The following AMBRA1 variants were observed in gnomAD, a reference collection of about 807,000 sequenced individuals.
AMBRA1 encodes activating molecule in BECN1-regulated autophagy protein 1.
Under a neutral mutation model 125.4 loss-of-function variants are expected in AMBRA1, and 47 were observed. The ratio of observed to expected loss-of-function variants is 0.37; its 90% CI spans 0.30 to 0.48. The LOEUF is 0.48. Ranked by LOEUF, AMBRA1 falls within the 20% of genes least tolerant of loss-of-function variation. The probability of loss-of-function intolerance (pLI) is 0.99; values close to 1 mark genes in which losing one functional copy is unlikely to be tolerated. For missense variants in AMBRA1, 1,331 were observed against 1,693.4 expected, an observed-to-expected ratio of 0.79 and a Z score of 3.76; for synonymous variants, 626 against 655.5, an observed-to-expected ratio of 0.95 and a Z score of 0.69.
chr11:46,593,868 G>A lies in AMBRA1; in HGVS notation c.-161C>T. On this transcript the variant is annotated 5_prime_UTR_variant, in exon 1 of 18. Transcript: ENST00000683756. ...GAGCTCGGTTTGCAGTCCAGCGAAC[G>A]GGCTGAGCCACAGGGAAAAAGAAAG... is the stretch of plus-strand genomic sequence containing the variant. The A allele has an allele frequency of 2.5e-6, 1 of 397,804 alleles. No individual in the cohort carries two copies. The highest frequency in any genetic ancestry group is 4.4e-6 in the Non-Finnish European group (1 of 225,904). The allele number at this position is 397,804 out of a possible 1,614,324, so 24.6% of individuals were successfully genotyped here.
At chr11:46,580,944 A>T (rs2044148475) in intron 1 of AMBRA1, among the ~76,000 whole-genome samples, 1 of 151,982 alleles carries the variant, frequency 6.6e-6, no homozygotes, top group Admixed American at 6.6e-5. Context: ...GGTGTGAGCC[A>T]CCGCACCCAG....
chr11:46,427,078 T>C (rs559328181), intron 14 of AMBRA1, among the ~76,000 whole-genome samples: 1 of 151,656 alleles, frequency 6.6e-6, no homozygotes, highest in Admixed American at 6.5e-5. Context: ...ATTAGGACTA[T>C]ATTATAAGTT....
At chr11:46,401,844 C>T (rs539148350) in intron 17 of AMBRA1, among the ~76,000 whole-genome samples, 2 of 152,218 alleles carry the variant, frequency 1.3e-5, no homozygotes, top group Admixed American at 6.5e-5. Context: ...CTGGTTAAGT[C>T]TGCACCCTGT....
chr11:46,404,991 C>CA (rs981134533), intron 17 of AMBRA1, among the ~76,000 whole-genome samples: 20 of 152,330 alleles, frequency 1.3e-4, no homozygotes, highest in African/African-American at 3.6e-4. Flanking sequence ...GCCTCACTCC[C>CA]AGCCCAGTCC....
At chr11:46,528,362 A>C (rs983471691) in intron 7 of AMBRA1, among the ~76,000 whole-genome samples, 84 of 152,042 alleles carry the variant, frequency 5.5e-4, no homozygotes, top group African/African-American at 1.7e-3. Flanking sequence ...GTACAAATGG[A>C]GTTTCACCAT....
chr11:46,583,404 G>A (rs893922549), intron 1 of AMBRA1, among the ~76,000 whole-genome samples: 1 of 151,702 alleles, frequency 6.6e-6, no homozygotes, highest in African/African-American at 2.4e-5. Context: ...AACGCTAGAA[G>A]AAAACCTAGG....
At chr11:46,534,215 A>G (rs73449917) in intron 7 of AMBRA1, among the ~76,000 whole-genome samples, 1,870 of 151,076 alleles carry the variant, frequency 0.012, 50 homozygotes, top group African/African-American at 0.044. Context: ...GGTGCCAGCC[A>G]GGTGCGGTGG....
intron 1 of AMBRA1, among the ~76,000 whole-genome samples, chr11:46,563,621 C>T (rs1397227696): frequency 6.6e-6 from 1 of 152,144 alleles, no homozygotes. Context: ...GGCCAGATCA[C>T]TTGAAGTCAG....
At chr11:46,437,828 G>A (rs1165664647) in intron 12 of AMBRA1, among the ~76,000 whole-genome samples, 1 of 152,184 alleles carries the variant, frequency 6.6e-6, no homozygotes, top group Non-Finnish European at 1.5e-5. Flanking sequence ...AGAGAAAAGG[G>A]AGAAGTAAAA....
chr11:46,502,453 A>C (rs1804116931), intron 9 of AMBRA1, among the ~76,000 whole-genome samples: 2 of 152,222 alleles, frequency 1.3e-5, no homozygotes, highest in African/African-American at 4.8e-5. Context: ...AAAATGAAGT[A>C]GATAATACCT....
chr11:46,567,064 GTGTTTGTTTGTT>G (rs111924211), intron 1 of AMBRA1, among the ~76,000 whole-genome samples: 80 of 151,992 alleles, frequency 5.3e-4, no homozygotes, highest in African/African-American at 1.8e-3. Context: ...ATATTAAGTA[GTGTTTGTTTGTT>G]TGTTTGTTTG....
chr11:46,567,057 T>C (rs557595984), intron 1 of AMBRA1, among the ~76,000 whole-genome samples: 15 of 152,218 alleles, frequency 9.9e-5, no homozygotes, highest in Admixed American at 7.2e-4. Context: ...TGTAAGCATA[T>C]TAAGTAGTGT....
chr11:46,482,356 T>C (rs1467737947), intron 11 of AMBRA1, among the ~76,000 whole-genome samples: 1 of 152,210 alleles, frequency 6.6e-6, no homozygotes, highest in Non-Finnish European at 1.5e-5. Context: ...TGCGGATATT[T>C]CCATGTCATT....
intron 11 of AMBRA1, among the ~76,000 whole-genome samples, chr11:46,465,615 G>GT (rs1310316996): frequency 1.2e-4 from 19 of 152,192 alleles, no homozygotes; most frequent in Admixed American, 1.2e-3. Context: ...AAGCCAGGTG[G>GT]TTAGAGAGTG....
chr11:46,550,770 A>T (rs1428312102), intron 1 of AMBRA1, among the ~76,000 whole-genome samples: 1 of 152,004 alleles, frequency 6.6e-6, no homozygotes, highest in Non-Finnish European at 1.5e-5. Flanking sequence ...TATGGCAAGG[A>T]AGATTCTCTG....
At position 46,527,477 on chromosome 11, in the gene AMBRA1, C is replaced by CAAAA. The variant is rs59904013; in HGVS notation, c.2072+14464_2072+14467dup. On this transcript the variant is annotated intron_variant, in intron 7 of 17. Coordinates refer to ENST00000683756, the MANE Select transcript of AMBRA1 (RefSeq NM_001387011.1). ...CCTAGGTGACAAAGTGAGACTGTCT[C>CAAAA]AAAAAAAAAAAAAAAAAAAAAAAAA... Among the ~76,000 whole-genome samples the CAAAA allele has an allele frequency of 2.6e-3, 67 of 25,936 alleles. 13 individuals carry two copies. Among genetic ancestry groups the CAAAA allele is most frequent in the African/African-American group, 0.012 (60 of 5,088 alleles). 17.0% of individuals were successfully genotyped at this position (25,936 alleles called of 152,430 possible).
intron 7 of AMBRA1, among the ~76,000 whole-genome samples, chr11:46,520,140 GAAAAA>G (rs35213610): frequency 9.2e-6 from 1 of 108,550 alleles, no homozygotes. Flanking sequence ...ACTCCGCCTC[GAAAAA>G]AAAAAAAAAA....
At chr11:46,530,729 T>C (rs927413212) in intron 7 of AMBRA1, 18 of 152,200 alleles carry the variant, frequency 1.2e-4, no homozygotes, top group African/African-American at 4.3e-4. Flanking sequence ...GCTGGCAAAC[T>C]ATAACCTGCG....
chr11:46,570,641 G>C (rs1281286464), intron 1 of AMBRA1, among the ~76,000 whole-genome samples: 1 of 152,064 alleles, frequency 6.6e-6, no homozygotes, highest in East Asian at 1.9e-4. Context: ...CCATTGAACA[G>C]TAATTTGATT....
Sources: allele counts gnomAD v4.1 joint callset (sites outside exome capture counted in the v4.1 genomes callset), GRCh38; gene constraint gnomAD v4.1.1; transcripts MANE v1.5; gene names NCBI Gene and HGNC (gene_info 2026-07-23, HGNC 2026-07-21).